The following KCNN3 variants were observed in gnomAD, a reference collection of about 807,000 sequenced individuals.
KCNN3 encodes the protein potassium calcium-activated channel subfamily N member 3.
In KCNN3, 16 loss-of-function variants were observed where a neutral mutation model predicts 62.9. The ratio of observed to expected loss-of-function variants is 0.25; its 90% CI spans 0.17 to 0.39. The LOEUF is 0.39. Among genes scored for constraint, KCNN3 ranks in the 10% least tolerant of loss-of-function variants. The probability of loss-of-function intolerance (pLI) is 1.00; values close to 1 mark genes in which losing one functional copy is unlikely to be tolerated. For missense variants in KCNN3, 599 were observed against 949.4 expected (o/e 0.63, Z 4.85); for synonymous variants, 370 against 389.2 (o/e 0.95, Z 0.58).
chr1:154,855,552 A>T (rs941995754), intron 1 of KCNN3, among the ~76,000 whole-genome samples: 19 of 152,212 alleles, frequency 1.2e-4, no homozygotes, highest in African/African-American at 4.6e-4. Flanking sequence ...ACAGTATTCA[A>T]TACAGGCCTG....
chr1:154,835,012 C>T (rs1651530895), intron 1 of KCNN3, among the ~76,000 whole-genome samples: 2 of 152,202 alleles, frequency 1.3e-5, no homozygotes, highest in African/African-American at 2.4e-5. Flanking sequence ...TGTCCTCTAC[C>T]TGCATGGGGT....
chr1:154,851,426 C>G lies in KCNN3; in HGVS notation c.933+17606G>C, dbSNP rs373944535. ...CTTACAACCCCTGGGGCAGGTGCTACACGCATTATATGGAAATTGATACAC... is the reference window on the plus strand; with the variant it reads ...CTTACAACCCCTGGGGCAGGTGCTAGACGCATTATATGGAAATTGATACAC... On this transcript the variant is annotated intron_variant, in intron 1 of 7. Coordinates refer to ENST00000271915, the MANE Select transcript of KCNN3 (RefSeq NM_002249.6). 1.1e-4 allele frequency among the ~76,000 whole-genome samples: 17 copies of G among 152,184 alleles called. 1 individual carries two copies. The highest frequency in any genetic ancestry group is 2.4e-4 in the African/African-American group (10 of 41,438).
intron 5 of KCNN3, among the ~76,000 whole-genome samples, chr1:154,718,603 CATT>C (rs1056960127): frequency 2.0e-5 from 3 of 152,236 alleles, no homozygotes; most frequent in South Asian, 2.1e-4. Context: ...ATGGGCCAGA[CATT>C]GTTGTAGCAA....
intron 1 of KCNN3, among the ~76,000 whole-genome samples, chr1:154,845,430 C>G (rs1652013908): frequency 6.6e-6 from 1 of 152,200 alleles, no homozygotes. Flanking sequence ...CAAATGGAAC[C>G]AGATGCACCT....
At chr1:154,845,477 C>T (rs531654487) in intron 1 of KCNN3, among the ~76,000 whole-genome samples, 8 of 152,306 alleles carry the variant, frequency 5.3e-5, no homozygotes, top group Admixed American at 2.0e-4. Context: ...GACTCCTACA[C>T]CCCCGGGCCC....
intron 3 of KCNN3, among the ~76,000 whole-genome samples, chr1:154,762,781 G>A (rs1648079028): frequency 6.6e-6 from 1 of 152,130 alleles, no homozygotes; most frequent in Non-Finnish European, 1.5e-5. Context: ...CTTGCTCATG[G>A]TTTCTTCTTT....
At chr1:154,832,866 A>C (rs1007414392) in intron 1 of KCNN3, among the ~76,000 whole-genome samples, 1 of 152,238 alleles carries the variant, frequency 6.6e-6, no homozygotes. Flanking sequence ...CAAGACGCAC[A>C]ACAGATTCCC....
chr1:154,724,501 T>G (rs918429522), intron 5 of KCNN3, among the ~76,000 whole-genome samples: 6 of 152,248 alleles, frequency 3.9e-5, no homozygotes, highest in African/African-American at 1.4e-4. Flanking sequence ...AGGACAGTCT[T>G]GCAGGAAATC....
chr1:154,864,819 C>T (rs1652892471), intron 1 of KCNN3, among the ~76,000 whole-genome samples: 1 of 152,050 alleles, frequency 6.6e-6, no homozygotes, highest in Non-Finnish European at 1.5e-5. Context: ...GGGGAGTGGG[C>T]AGAGGACTGG....
chr1:154,791,940 T>G (rs1160508128), intron 2 of KCNN3, among the ~76,000 whole-genome samples: 1 of 152,224 alleles, frequency 6.6e-6, no homozygotes, highest in Non-Finnish European at 1.5e-5. Flanking sequence ...ATACCCTGTC[T>G]GTAAAAGCAT....
intron 1 of KCNN3, among the ~76,000 whole-genome samples, chr1:154,826,635 C>G (rs935109902): frequency 5.3e-5 from 8 of 152,242 alleles, no homozygotes; most frequent in Admixed American, 2.0e-4. Context: ...CTTCTTAGAG[C>G]TGTTCCAGCC....
intron 2 of KCNN3, among the ~76,000 whole-genome samples, chr1:154,780,201 T>TC (rs1368950695): frequency 2.7e-4 from 17 of 62,398 alleles, no homozygotes; most frequent in Admixed American, 4.6e-4. Context: ...TTTCTTTTTT[T>TC]TTTTTTTTTT....
At chr1:154,717,721 G>A (rs781441131) in intron 5 of KCNN3, among the ~76,000 whole-genome samples, 1 of 152,168 alleles carries the variant, frequency 6.6e-6, no homozygotes, top group Non-Finnish European at 1.5e-5. Context: ...GGAGGCCTCC[G>A]TGCATTCGGG....
chr1:154,862,302 C>T lies in KCNN3; in HGVS notation c.933+6730G>A, dbSNP rs752376153. 3.9e-5 allele frequency among the ~76,000 whole-genome samples: 6 copies of T among 152,134 alleles called. No homozygotes were observed. Among genetic ancestry groups the T allele is most frequent in the Non-Finnish European group, 8.8e-5 (6 of 68,026 alleles). The stretch of plus-strand genomic sequence containing the variant: ...TCATCATGAGCCCTGGGCCAGCCAC[C>T]GTGAGGGTCATGAGGGACCCAGGGG... On this transcript the variant is annotated intron_variant, in intron 1 of 7. Transcript: ENST00000271915. This position sits in a 1 kb window ranked among gnomAD's most constrained non-coding sequence, Gnocchi z 4.1.
intron 2 of KCNN3, among the ~76,000 whole-genome samples, chr1:154,773,562 A>G (rs1648662991): frequency 6.6e-6 from 1 of 152,194 alleles, no homozygotes; most frequent in Non-Finnish European, 1.5e-5. Context: ...GGGAGCCAAC[A>G]CTAACTCCAG....
intron 1 of KCNN3, among the ~76,000 whole-genome samples, chr1:154,860,481 T>C (rs1328369587): frequency 6.6e-6 from 1 of 152,184 alleles, no homozygotes; most frequent in Non-Finnish European, 1.5e-5. Flanking sequence ...AATTGCTAAC[T>C]GAGTGTAGAA....
At chr1:154,757,998 G>A (rs935380069) in intron 3 of KCNN3, among the ~76,000 whole-genome samples, 11 of 152,292 alleles carry the variant, frequency 7.2e-5, no homozygotes, top group East Asian at 1.9e-4. Context: ...AAGGCTCCAC[G>A]CTCACATCTT....
intron 1 of KCNN3, chr1:154,868,319 C>A: frequency 1.0e-6 from 1 of 986,338 alleles, no homozygotes; most frequent in Non-Finnish European, 1.2e-6. Context: ...TCTGAGTCCT[C>A]TCTCCTGAGG....
chr1:154,801,987 G>A (rs1210835665), intron 2 of KCNN3, among the ~76,000 whole-genome samples: 1 of 152,206 alleles, frequency 6.6e-6, no homozygotes, highest in Non-Finnish European at 1.5e-5. Context: ...CTTGTTTCTT[G>A]ATTGGACAAT....
Sources: gnomAD v4.1 joint callset for allele counts (sites outside exome capture counted in the v4.1 genomes callset) on GRCh38, gnomAD v4.1.1 for gene constraint, Gnocchi (gnomAD v3.1) non-coding constraint, MANE v1.5 for transcripts, NCBI Gene and HGNC (gene_info 2026-07-23, HGNC 2026-07-21) for gene names.